NFATC1: variants seen among roughly 807,000 people sequenced by gnomAD.
The protein encoded by NFATC1 is nuclear factor of activated T-cells, cytoplasmic 1.
A neutral mutation model predicts 76.0 loss-of-function variants in NFATC1; 22 were observed. That is an observed-to-expected ratio of 0.29 (90% CI 0.21 to 0.41). The LOEUF is 0.41. Among genes scored for constraint, NFATC1 ranks in the 10% least tolerant of loss-of-function variants. The probability of loss-of-function intolerance (pLI) is 1.00; values close to 1 mark genes in which losing one functional copy is unlikely to be tolerated. For missense variants in NFATC1, 1,357 were observed against 1,337.7 expected (o/e 1.01, Z -0.23); for synonymous variants, 704 against 613.1 (o/e 1.15, Z -2.19).
At chr18:79,521,262 T>TGTG (rs2090551456) in intron 9 of NFATC1, among the ~76,000 whole-genome samples, 2 of 47,714 alleles carry the variant, frequency 4.2e-5, no homozygotes, top group Non-Finnish European at 7.1e-5. Context: ...CATGTGTGTG[T>TGTG]GGGGGCATCC....
At chr18:79,449,074 C>A in intron 4 of NFATC1, 90 bp downstream of exon 4, 1 of 1,334,798 alleles carries the variant, frequency 7.5e-7, no homozygotes, top group Admixed American at 2.3e-5. Context: ...GCCAGCCCCC[C>A]GCACTTCCAG....
chr18:79,411,204 C>T lies in NFATC1; in HGVS notation c.929C>T (p.Ser310Leu), dbSNP rs751853939. ...WLGNTTQYTS[S>L]AIVAAINALT... Reference sequence around the variant, plus strand: ...GGCAACACCACCCAGTACACCAGCTCGGCCATCGTGGCCGCCATCAACGCG... The same window carrying T: ...GGCAACACCACCCAGTACACCAGCTTGGCCATCGTGGCCGCCATCAACGCG... The change falls in exon 2 of 10, where the codon TCG becomes TTG. Residue 310 changes from serine (S) to leucine (L), a missense_variant. Transcript: ENST00000427363. 31 of 1,609,668 alleles carry T rather than the reference C, an allele frequency of 1.9e-5. No homozygotes were observed. The highest frequency in any genetic ancestry group is 2.7e-5 in the African/African-American group (2 of 74,924).
chr18:79,408,649 C>T (rs1413159925), intron 1 of NFATC1, among the ~76,000 whole-genome samples: 13 of 152,224 alleles, frequency 8.5e-5, no homozygotes, highest in Non-Finnish European at 7.3e-5. Flanking sequence ...GTGATTAGGG[C>T]ACCTTGACAG....
intron 1 of NFATC1, among the ~76,000 whole-genome samples, chr18:79,403,485 G>A (rs1260987079): frequency 6.6e-6 from 1 of 152,220 alleles, no homozygotes; most frequent in Non-Finnish European, 1.5e-5. Context: ...GGAAATAGCT[G>A]CTTCGCTGTC....
intron 8 of NFATC1, among the ~76,000 whole-genome samples, chr18:79,481,962 TTCCTGGGGTGTCATTCCAGCGTGACCTGG>T (rs1429921894): frequency 3.7e-5 from 5 of 134,514 alleles, no homozygotes; most frequent in Non-Finnish European, 6.3e-5. Context: ...CATGACCTGG[TTCCTGGGGTGTCATTCCAGCGTGACCTGG>T]TCCTGGGGTG....
chr18:79,483,524 T>TC lies in NFATC1; in HGVS notation c.2093-2724_2093-2723insC, dbSNP rs1245370770. On this transcript the variant is annotated intron_variant, in intron 8 of 9. Transcript: ENST00000427363. ...CCTGGGGTGTCACTCCGGCGTGACCTGGTCCTGGGGTGTCACTCCGGCGTG... is the reference window on the plus strand; with the variant it reads ...CCTGGGGTGTCACTCCGGCGTGACCTCGGTCCTGGGGTGTCACTCCGGCGTG... Among the ~76,000 whole-genome samples, 14 of 119,094 alleles carry TC rather than the reference T, an allele frequency of 1.2e-4. 1 individual carries two copies. Among genetic ancestry groups the TC allele is most frequent in the African/African-American group, 1.4e-4 (4 of 28,624 alleles). The allele number at this position is 119,094 out of a possible 152,430, so 78.1% of individuals were successfully genotyped here. A position where few individuals can be genotyped will look rare whatever the true frequency, so the allele number is the denominator to read the frequency against.
chr18:79,521,284 T>A (rs2090552963), intron 9 of NFATC1, among the ~76,000 whole-genome samples: 2 of 54,652 alleles, frequency 3.7e-5, no homozygotes, highest in Non-Finnish European at 6.4e-5. Flanking sequence ...CTGATGTGTG[T>A]GTCTGTGTGT....
chr18:79,457,280 A>T (rs2087784824), intron 6 of NFATC1, among the ~76,000 whole-genome samples: 1 of 152,172 alleles, frequency 6.6e-6, no homozygotes, highest in Non-Finnish European at 1.5e-5. Context: ...TGCCCTGAGG[A>T]TGGCTCAGTG....
intron 7 of NFATC1, among the ~76,000 whole-genome samples, chr18:79,464,341 C>T (rs931951386): frequency 1.3e-5 from 2 of 148,814 alleles, no homozygotes; most frequent in African/African-American, 5.0e-5. Context: ...GTGATCCGCC[C>T]ACCGTGGCCT....
chr18:79,453,201 G>A (rs533441898), intron 6 of NFATC1, among the ~76,000 whole-genome samples: 2 of 152,370 alleles, frequency 1.3e-5, no homozygotes, highest in African/African-American at 4.8e-5. Flanking sequence ...CCACAGTGTA[G>A]GGCCTCGCTT....
chr18:79,509,525 C>G (rs746515423), intron 9 of NFATC1, among the ~76,000 whole-genome samples: 1 of 152,254 alleles, frequency 6.6e-6, no homozygotes, highest in Non-Finnish European at 1.5e-5. Flanking sequence ...CAGTGCCATG[C>G]CGTGGGCCTC....
At chr18:79,418,856 TGAG>T (rs2085968101) in intron 2 of NFATC1, among the ~76,000 whole-genome samples, 1 of 152,132 alleles carries the variant, frequency 6.6e-6, no homozygotes, top group African/African-American at 2.4e-5. Flanking sequence ...TGTGAGGGTG[TGAG>T]GAGGCTGCGG....
Position 79,525,049 on chromosome 18 carries a change from G to A in NFATC1, c.2783-2479G>A, listed in dbSNP as rs796377134. On this transcript the variant is annotated intron_variant, in intron 9 of 9. Coordinates refer to ENST00000427363, the MANE Select transcript of NFATC1 (RefSeq NM_001278669.2). ...TCAGGCCTCCCCACGTCCCACCGTC[G>A]TTACCCCTCAGTCCTCCCCACGTCC... 7.5e-5 allele frequency among the ~76,000 whole-genome samples: 8 copies of A among 107,180 alleles called. No individual in the cohort carries two copies. The South Asian group carries it at 2.2e-3, about 30-fold the overall frequency. 70.3% of individuals were successfully genotyped at this position (107,180 alleles called of 152,430 possible). A position where few individuals can be genotyped will look rare whatever the true frequency, so the allele number is the denominator to read the frequency against.
intron 2 of NFATC1, among the ~76,000 whole-genome samples, chr18:79,430,012 G>A (rs1057077014): frequency 6.6e-6 from 1 of 152,222 alleles, no homozygotes; most frequent in African/African-American, 2.4e-5. Flanking sequence ...GCCACATGCC[G>A]TGCAGACGTG....
Position 79,418,462 on chromosome 18 carries a change from C to A in NFATC1, c.1226+6961C>A, listed in dbSNP as rs559677176. Reference sequence around the variant, plus strand: ...CAGCCCTCTTGTCACAAGGCCTGTACGGGGTGGGGGCACGTGTCACGGGGA... The same window carrying A: ...CAGCCCTCTTGTCACAAGGCCTGTAAGGGGTGGGGGCACGTGTCACGGGGA... On this transcript the variant is annotated intron_variant, in intron 2 of 9. Coordinates refer to ENST00000427363, the MANE Select transcript of NFATC1 (RefSeq NM_001278669.2). Among the ~76,000 whole-genome samples, 14 of 152,292 alleles carry A rather than the reference C, an allele frequency of 9.2e-5. 1 individual carries two copies. The East Asian group carries it at 2.7e-3, about 30-fold the overall frequency.
intron 3 of NFATC1, among the ~76,000 whole-genome samples, chr18:79,439,666 G>A (rs1054507425): frequency 3.9e-5 from 6 of 152,344 alleles, no homozygotes; most frequent in Middle Eastern, 3.4e-3. Flanking sequence ...CATGGTTGCC[G>A]TCGGGCTGTG....
chr18:79,423,551 G>A (rs906293972), intron 2 of NFATC1, among the ~76,000 whole-genome samples: 1 of 152,200 alleles, frequency 6.6e-6, no homozygotes, highest in Non-Finnish European at 1.5e-5. Flanking sequence ...CTGTGGGTAG[G>A]CCATGGGCCG....
intron 6 of NFATC1, among the ~76,000 whole-genome samples, chr18:79,453,480 C>T (rs28686826): frequency 0.022 from 3,387 of 152,352 alleles, 121 homozygotes; most frequent in African/African-American, 0.076. Context: ...CTCATGCGGC[C>T]GCCCCTACAG....
At chr18:79,490,027 G>T (rs2089630764) in intron 9 of NFATC1, among the ~76,000 whole-genome samples, 1 of 152,236 alleles carries the variant, frequency 6.6e-6, no homozygotes, top group African/African-American at 2.4e-5. Context: ...TCGATGCTCA[G>T]CCAGGACCAC....
Sources: gnomAD v4.1 joint callset for allele counts (sites outside exome capture counted in the v4.1 genomes callset) on GRCh38, gnomAD v4.1.1 for gene constraint, MANE v1.5 for transcripts, NCBI Gene and HGNC (gene_info 2026-07-23, HGNC 2026-07-21) for gene names.